The following KSR1 variants were observed in gnomAD, a reference collection of about 807,000 sequenced individuals.
KSR1 encodes kinase suppressor of ras.
Under a neutral mutation model 92.9 loss-of-function variants are expected in KSR1, and 35 were observed. The ratio of observed to expected loss-of-function variants is 0.38; its 90% CI spans 0.29 to 0.50. KSR1 has a LOEUF of 0.50. Among genes scored for constraint, KSR1 ranks in the 20% least tolerant of loss-of-function variants. The pLI is 0.94. For missense variants in KSR1, 972 were observed against 1,158.5 expected (o/e 0.84, Z 2.34); for synonymous variants, 467 against 472.6 (o/e 0.99, Z 0.15).
rs2074292992 is a variant in KSR1 at position 27,624,179 on chromosome 17, AG to A, written c.*789del. 1 of 152,404 alleles carries A rather than the reference AG, an allele frequency of 6.6e-6. No homozygotes were observed. The highest frequency in any genetic ancestry group is 2.4e-5 in the African/African-American group (1 of 41,468). The allele number at this position is 152,404 out of a possible 1,614,324, so 9.4% of individuals were successfully genotyped here. On this transcript the variant is annotated 3_prime_UTR_variant, in exon 21 of 21. Transcript: ENST00000644974. Reference sequence around the variant, plus strand: ...TGATGAAGCCCCCAGGCAGGCACCAAGGTGATGGGACTCAGGGCCTTGGCTT... The same window carrying A: ...TGATGAAGCCCCCAGGCAGGCACCAAGTGATGGGACTCAGGGCCTTGGCTT...
At chr17:27,605,410 C>G (rs1338440709) in intron 13 of KSR1, 24 bp from the exon 14 acceptor site, 6 of 1,600,876 alleles carry the variant, frequency 3.7e-6, no homozygotes, top group Non-Finnish European at 5.1e-6. Context: ...CTGCCCATCC[C>G]TGTTCTTCCT....
Position 27,588,455 on chromosome 17 carries a change from TCC to T in KSR1, c.986-19_986-18del. On this transcript the variant is annotated intron_variant, in intron 5 of 20. Transcript: ENST00000644974. ...CCTGCGGAGTTCCTCAGCCTGCCCA[TCC>T]GGCCTCTTTCCCTGCAGATCTCTCG... The T allele has an allele frequency of 6.4e-7, 1 of 1,563,030 alleles. No individual in the cohort carries two copies. Among genetic ancestry groups the T allele is most frequent in the Non-Finnish European group, 8.7e-7 (1 of 1,153,858 alleles).
intron 18 of KSR1, chr17:27,613,384 G>A (rs1289704349): frequency 1.3e-5 from 2 of 152,204 alleles, no homozygotes; most frequent in Admixed American, 1.3e-4. Context: ...TGAAAGGTGA[G>A]GAGAGTGGAA....
intron 1 of KSR1, among the ~76,000 whole-genome samples, chr17:27,493,813 A>T (rs1362581583): frequency 6.6e-6 from 1 of 152,236 alleles, no homozygotes; most frequent in Non-Finnish European, 1.5e-5. Flanking sequence ...GGTTATATTC[A>T]GTAGCAGAGC....
In KSR1 at chr17:27,550,573, G is replaced by C. The variant is rs765565167; in HGVS notation, c.237G>C (p.Lys79Asn). 2.0e-5 allele frequency: 15 copies of C among 764,840 alleles called. No individual in the cohort carries two copies. In the Admixed American group the frequency reaches 2.5e-4, roughly 13 times the overall value. 47.4% of individuals were successfully genotyped at this position (764,840 alleles called of 1,614,324 possible). Residue 79 changes from lysine (K) to asparagine (N), a missense_variant, in exon 2 of 21, where the codon AAG (lysine) becomes AAC (asparagine). Physicochemically the swap from Lys to Asn is moderately conservative, Grantham distance 94 (BLOSUM62 0). Around this residue, in one of 5 missense-constraint regions of KSR1, gnomAD observed 611 missense variants for 668.0 expected, o/e 0.91. Coordinates refer to ENST00000644974, the MANE Select transcript of KSR1 (RefSeq NM_001394583.1). ...TQQEIRTLEA[K>N]LVRYICKQRQ... The stretch of plus-strand genomic sequence containing the variant: ...CTTTTTTGGACTTTCTGCAGGCGAA[G>C]CTGGTCCGTTACATTTGTAAGCAGA...
chr17:27,622,761 G>A, intron 20 of KSR1: 1 of 163,858 alleles, frequency 6.1e-6, no homozygotes, highest in South Asian at 1.8e-4. Context: ...GAGCATGGCT[G>A]CTGAGTCCCC....
intron 1 of KSR1, among the ~76,000 whole-genome samples, chr17:27,519,623 C>G (rs1597931722): frequency 6.6e-6 from 1 of 152,174 alleles, no homozygotes; most frequent in African/African-American, 2.4e-5. Flanking sequence ...ACAGCCCAGC[C>G]TTGGGTGCTT....
chr17:27,545,204 G>A (rs1337588092), intron 1 of KSR1, among the ~76,000 whole-genome samples: 3 of 152,170 alleles, frequency 2.0e-5, no homozygotes, highest in African/African-American at 2.4e-5. Flanking sequence ...GATCTCTACC[G>A]GCCTTTAAAA....
intron 1 of KSR1, among the ~76,000 whole-genome samples, chr17:27,521,181 A>G (rs2070011907): frequency 6.6e-6 from 1 of 152,128 alleles, no homozygotes; most frequent in South Asian, 2.1e-4. Flanking sequence ...TGGCCCAGGC[A>G]TCTCTATATG....
chr17:27,613,762 C>G (rs1372083138), intron 18 of KSR1, among the ~76,000 whole-genome samples: 3 of 152,212 alleles, frequency 2.0e-5, no homozygotes, highest in African/African-American at 7.2e-5. Flanking sequence ...TGGCTGAGCT[C>G]TGGGGCAGCT....
chr17:27,505,381 T>G (rs2069342359), intron 1 of KSR1, among the ~76,000 whole-genome samples: 1 of 152,218 alleles, frequency 6.6e-6, no homozygotes, highest in African/African-American at 2.4e-5. Flanking sequence ...TCTGTCCTCA[T>G]TAACCCAGGA....
At chr17:27,502,518 C>T (rs1173969853) in intron 1 of KSR1, among the ~76,000 whole-genome samples, 1 of 152,254 alleles carries the variant, frequency 6.6e-6, no homozygotes, top group East Asian at 1.9e-4. Context: ...TCCTCTCCTT[C>T]CATTCTCTAG....
chr17:27,458,484 C>G (rs2019285370), intron 1 of KSR1, among the ~76,000 whole-genome samples: 1 of 152,192 alleles, frequency 6.6e-6, no homozygotes, highest in African/African-American at 2.4e-5. Flanking sequence ...TATAGGAGAA[C>G]CACTTGCTGT....
At chr17:27,564,745 C>A (rs1364116855) in intron 2 of KSR1, among the ~76,000 whole-genome samples, 2 of 142,260 alleles carry the variant, frequency 1.4e-5, no homozygotes, top group East Asian at 2.1e-4. Context: ...GACCCCCCCC[C>A]CCCACCTCCC....
intron 3 of KSR1, among the ~76,000 whole-genome samples, chr17:27,581,710 T>C (rs1209117487): frequency 1.3e-5 from 2 of 152,184 alleles, no homozygotes; most frequent in Non-Finnish European, 2.9e-5. Context: ...TAGTGTGTTA[T>C]GTGCCTGTCA....
At chr17:27,500,377 G>A (rs1597890069) in intron 1 of KSR1, among the ~76,000 whole-genome samples, 1 of 152,122 alleles carries the variant, frequency 6.6e-6, no homozygotes, top group South Asian at 2.1e-4. Flanking sequence ...AAGTACTGAC[G>A]GGATAGTGTA....
intron 1 of KSR1, among the ~76,000 whole-genome samples, chr17:27,536,792 G>A (rs1419783067): frequency 1.3e-5 from 2 of 152,230 alleles, no homozygotes; most frequent in Non-Finnish European, 2.9e-5. Context: ...TCAGGGGCAG[G>A]CCCAGGGCCA....
intron 19 of KSR1, among the ~76,000 whole-genome samples, chr17:27,619,437 A>G (rs2074155173): frequency 7.1e-6 from 1 of 140,890 alleles, no homozygotes; most frequent in African/African-American, 2.7e-5. Context: ...TTGTTCTGTC[A>G]CTCAGGCTGG....
chr17:27,600,173 G>T lies in KSR1; in HGVS notation c.1469-1187G>T, dbSNP rs1598119904. 2.8e-5 allele frequency among the ~76,000 whole-genome samples: 4 copies of T among 141,834 alleles called. No individual in the cohort carries two copies. The Admixed American group carries it at 3.2e-4, about 11-fold the overall frequency. The allele number at this position is 141,834 out of a possible 152,430, so 93.0% of individuals were successfully genotyped here. ...TAAAAGACTGGATGTGGTGGCTCAC[G>T]CCTGTAATCCCAGCACTTTGGGAGG... is the stretch of plus-strand genomic sequence containing the variant. On this transcript the variant is annotated intron_variant, in intron 10 of 20. Transcript: ENST00000644974.
Sources: gnomAD v4.1 joint callset for allele counts (sites outside exome capture counted in the v4.1 genomes callset) on GRCh38, gnomAD v4.1.1 for gene constraint, gnomAD v4.1.1 regional missense constraint, MANE v1.5 for transcripts, NCBI Gene and HGNC (gene_info 2026-07-23, HGNC 2026-07-21) for gene names.